The following ELMOD3 variants were observed in gnomAD, a reference collection of about 807,000 sequenced individuals.
ELMOD3 encodes the protein ELMO domain-containing protein 3.
Under a neutral mutation model 47.4 loss-of-function variants are expected in ELMOD3, and 36 were observed. The ratio of observed to expected loss-of-function variants is 0.76; its 90% confidence interval spans 0.58 to 1.00. ELMOD3 has a LOEUF of 1.00. Ranked by LOEUF, ELMOD3 falls within the 50% of genes least tolerant of loss-of-function variation. The probability of loss-of-function intolerance (pLI) is 0.00; values close to 1 mark genes in which losing one functional copy is unlikely to be tolerated. For synonymous variants in ELMOD3, 149 were observed against 183.5 expected, an observed-to-expected ratio of 0.81 and a Z score of 1.52; for missense variants, 404 against 463.8, an observed-to-expected ratio of 0.87 and a Z score of 1.18.
intron 3 of ELMOD3, 87 bp from the exon 4 acceptor site, chr2:85,356,880 C>CAAA (rs759699457): frequency 7.1e-5 from 10 of 140,000 alleles, no homozygotes; most frequent in East Asian, 3.7e-4. Context: ...GACTCCAACT[C>CAAA]AAAAAAAAAA....
chr2:85,390,445 G>A, intron 13 of ELMOD3, 180 bp downstream of exon 13: 1 of 1,614,130 alleles, frequency 6.2e-7, no homozygotes. Context: ...TCCTTTCTCT[G>A]CCCTGACTGT....
At chr2:85,377,209 T>C (rs1025756786) in intron 10 of ELMOD3, 135 bp from the exon 11 acceptor site, 2 of 765,290 alleles carry the variant, frequency 2.6e-6, no homozygotes, top group Non-Finnish European at 3.8e-6. Flanking sequence ...GCCCCACAAG[T>C]GTGGCAGAAA....
At chr2:85,371,711 A>AG (rs1264360244) in intron 10 of ELMOD3, 149 bp downstream of exon 10, 2 of 1,175,412 alleles carry the variant, frequency 1.7e-6, no homozygotes, top group African/African-American at 1.5e-5. Context: ...AAAAGCCCTG[A>AG]GGGGGCGCCT....
chr2:85,381,905 C>T (rs1180137077), intron 11 of ELMOD3, among the ~76,000 whole-genome samples: 8 of 151,906 alleles, frequency 5.3e-5, no homozygotes, highest in African/African-American at 1.2e-4. Context: ...ATCGTGAGGT[C>T]AGGAGATCAA....
At chr2:85,385,066 C>A (rs371580016) in intron 11 of ELMOD3, among the ~76,000 whole-genome samples, 1 of 152,038 alleles carries the variant, frequency 6.6e-6, no homozygotes, top group South Asian at 2.1e-4. Context: ...ATAGGGTGGT[C>A]AGGGTAGCTG....
chr2:85,372,465 C>T (rs2104599266), intron 10 of ELMOD3: 1 of 152,306 alleles, frequency 6.6e-6, no homozygotes, highest in South Asian at 2.1e-4. Flanking sequence ...AGTGATGTGA[C>T]AGAATCTGGC....
chr2:85,361,630 A>G (rs971448931), intron 4 of ELMOD3, among the ~76,000 whole-genome samples: 4 of 152,146 alleles, frequency 2.6e-5, no homozygotes, highest in African/African-American at 9.7e-5. Flanking sequence ...ACTGGGGCCT[A>G]TTGGAAAGTG....
intron 11 of ELMOD3, among the ~76,000 whole-genome samples, chr2:85,386,478 G>C (rs940016388): frequency 1.4e-5 from 2 of 142,762 alleles, no homozygotes; most frequent in African/African-American, 5.2e-5. Context: ...TCTGCCTCCT[G>C]AGTTCAAGCG....
rs1267206864 is a variant in ELMOD3, at chr2:85,389,785, C to T, written c.773C>T (p.Thr258Ile). ...FPFCLMSVNITHIAIQALREE... is the reference protein window; with the variant it reads ...FPFCLMSVNIIHIAIQALREE... ...TTCTGTTTGATGTCCGTGAACATCA[C>T]CCACATTGCCATCCAGGCCTTGAGA... The change falls in exon 12 of 14, where the codon ACC (threonine) becomes ATC (isoleucine). Residue 258 changes from threonine (T) to isoleucine (I), a missense_variant. Transcript: ENST00000409013. 6.2e-7 allele frequency: 1 copy of T among 1,614,162 alleles called. No individual in the cohort carries two copies. The highest frequency in any genetic ancestry group is 2.2e-5 in the East Asian group (1 of 44,880).
At chr2:85,387,901 T>C (rs1686051515) in intron 11 of ELMOD3, among the ~76,000 whole-genome samples, 1 of 152,136 alleles carries the variant, frequency 6.6e-6, no homozygotes, top group South Asian at 2.1e-4. Context: ...GGAAACCAGG[T>C]GGTGATGTCC....
At position 85,357,020 on chromosome 2, in the gene ELMOD3, C is replaced by T. The variant is rs1004421924; in HGVS notation, c.-179C>T. ...TTCTCTCAGCACTCACAGAAACCTC[C>T]TACACCCTCGGATGGCACAAAGGGA... On this transcript the variant is annotated 5_prime_UTR_variant, in exon 4 of 14. Transcript: ENST00000409013. 1.9e-6 allele frequency: 1 copy of T among 524,792 alleles called. No homozygotes were observed. The highest frequency in any genetic ancestry group is 3.4e-6 in the Non-Finnish European group (1 of 296,522). The allele number at this position is 524,792 out of a possible 1,614,324, so 32.5% of individuals were successfully genotyped here.
intron 11 of ELMOD3, among the ~76,000 whole-genome samples, chr2:85,387,706 T>C (rs1686039329): frequency 6.6e-6 from 1 of 151,192 alleles, no homozygotes; most frequent in Non-Finnish European, 1.5e-5. Flanking sequence ...TTGGAGTTGT[T>C]GTAATGATTA....
At chr2:85,365,205 C>T (rs887144251) in intron 6 of ELMOD3, among the ~76,000 whole-genome samples, 10 of 150,786 alleles carry the variant, frequency 6.6e-5, no homozygotes, top group Middle Eastern at 7.0e-3. Context: ...GAAACTGAGG[C>T]GGGCGGATCA....
At chr2:85,385,773 T>G (rs1213512707) in intron 11 of ELMOD3, among the ~76,000 whole-genome samples, 4 of 151,864 alleles carry the variant, frequency 2.6e-5, no homozygotes, top group Non-Finnish European at 4.4e-5. Context: ...ACAGTCTAAC[T>G]TACTTTTTTT....
At chr2:85,361,874 T>G (rs1453900605) in intron 4 of ELMOD3, among the ~76,000 whole-genome samples, 1 of 150,654 alleles carries the variant, frequency 6.6e-6, no homozygotes, top group Non-Finnish European at 1.5e-5. Context: ...GAGCTTGCAG[T>G]GAGCCGAGAT....
intron 8 of ELMOD3, among the ~76,000 whole-genome samples, chr2:85,370,064 C>G (rs1474217435): frequency 6.6e-6 from 1 of 152,134 alleles, no homozygotes; most frequent in Non-Finnish European, 1.5e-5. Flanking sequence ...AGCTGTTTAT[C>G]TACTCTTCCC....
Position 85,390,289 on chromosome 2 carries a change from C to G in ELMOD3, c.943+24C>G, listed in dbSNP as rs749545621. The G allele has an allele frequency of 4.3e-6, 7 of 1,614,144 alleles. No individual in the cohort carries two copies. In the East Asian group the frequency reaches 1.1e-4, roughly 26 times the overall value. ...AGGTGTGCTCTTTCTTCTGGGGAGG[C>G]CTAGGCTGAATGCACAGTGTCCCAG... On this transcript the variant is annotated intron_variant, in intron 13 of 13. Coordinates refer to ENST00000409013, the MANE Select transcript of ELMOD3 (RefSeq NM_001135022.2).
At chr2:85,360,891 G>T in intron 4 of ELMOD3, 1 of 187,138 alleles carries the variant, frequency 5.3e-6, no homozygotes, top group South Asian at 1.0e-4. Context: ...TCTTTTCAAT[G>T]GTGCCATATG....
At chr2:85,365,664 T>G (rs1475115107) in intron 6 of ELMOD3, among the ~76,000 whole-genome samples, 1 of 152,212 alleles carries the variant, frequency 6.6e-6, no homozygotes, top group Non-Finnish European at 1.5e-5. Flanking sequence ...GTTGAGGTTT[T>G]AAGCACCAGC....
Sources: allele counts gnomAD v4.1 joint callset (sites outside exome capture counted in the v4.1 genomes callset), GRCh38; gene constraint gnomAD v4.1.1; transcripts MANE v1.5; gene names NCBI Gene and HGNC (gene_info 2026-07-23, HGNC 2026-07-21).